KIF20B: variants seen among roughly 807,000 people sequenced by gnomAD.
KIF20B encodes the protein kinesin family member 20B.
KIF20B carries 188 observed loss-of-function variants against 232.5 expected under a neutral mutation model. The observed-to-expected ratio is 0.81, with a 90% CI of 0.72 to 0.91. The LOEUF (loss-of-function observed/expected upper bound fraction) is 0.91, where lower values mean the gene tolerates loss of function less well. Among genes scored for constraint, KIF20B ranks in the 40% least tolerant of loss-of-function variants. The probability of loss-of-function intolerance (pLI) is 0.00; values close to 1 mark genes in which losing one functional copy is unlikely to be tolerated. For synonymous variants in KIF20B, 712 were observed against 683.0 expected (o/e 1.04, Z -0.66); for missense variants, 2,154 against 2,055.9 (o/e 1.05, Z -0.92).
Position 89,726,299 on chromosome 10 carries a change from CAT to C in KIF20B, c.2010_2011del (p.His670GlnfsTer6), listed in dbSNP as rs1226705515. 4 of 1,545,796 alleles carry C rather than the reference CAT, an allele frequency of 2.6e-6. No individual in the cohort carries two copies. In the East Asian group the frequency reaches 7.4e-5, roughly 28 times the overall value. The stretch of plus-strand genomic sequence containing the variant: ...TGGTTTTTGCTATTTTTAGGAAACA[CAT>C]AATTATGTAGGATTTGAAGATATTA... ...CATKVETEET[H>X]NYVGFEDIID... On this transcript the variant is annotated frameshift_variant, in exon 16 of 33. Coordinates refer to ENST00000371728, the MANE Select transcript of KIF20B (RefSeq NM_001284259.2). LOFTEE classifies it high-confidence loss of function.
intron 8 of KIF20B, among the ~76,000 whole-genome samples, chr10:89,716,000 T>A (rs1842927321): frequency 6.6e-6 from 1 of 151,526 alleles, no homozygotes; most frequent in African/African-American, 2.4e-5. Context: ...CCAAAATAAA[T>A]AAATAAATAA....
intron 23 of KIF20B, among the ~76,000 whole-genome samples, chr10:89,749,782 A>G (rs975454815): frequency 6.6e-6 from 1 of 152,160 alleles, no homozygotes; most frequent in African/African-American, 2.4e-5. Context: ...CATTTTATGT[A>G]TCAGTTGATA....
At chr10:89,713,413 TTTGCCTATGAAATGATTAAAATGTTA>T (rs1842873380) in intron 6 of KIF20B, among the ~76,000 whole-genome samples, 2 of 147,048 alleles carry the variant, frequency 1.4e-5, no homozygotes, top group Admixed American at 1.3e-4. Flanking sequence ...ATGATACTGT[TTTGCCTATGAAATGATTAAAATGTTA>T]AAAAAAAATG....
At chr10:89,743,972 G>C (rs759774337) in intron 22 of KIF20B, 45 bp downstream of exon 22, 2 of 1,497,010 alleles carry the variant, frequency 1.3e-6, no homozygotes, top group Non-Finnish European at 1.8e-6. Context: ...CATTCTCTTG[G>C]TATATTTTAG....
intron 14 of KIF20B, 71 bp downstream of exon 14, chr10:89,724,174 TAGTTTAC>T: frequency 7.5e-7 from 1 of 1,329,112 alleles, no homozygotes; most frequent in Non-Finnish European, 9.9e-7. Flanking sequence ...TTTTTTTACT[TAGTTTAC>T]TTTTTATATT....
chr10:89,708,352 C>T (rs1313168934), intron 2 of KIF20B, among the ~76,000 whole-genome samples: 1 of 152,086 alleles, frequency 6.6e-6, no homozygotes, highest in East Asian at 1.9e-4. Context: ...GCTGGGATTA[C>T]AGGCATGCAC....
At chr10:89,709,300 A>G in intron 3 of KIF20B, 45 bp from the exon 4 acceptor site, 6 of 1,588,086 alleles carry the variant, frequency 3.8e-6, no homozygotes, top group Non-Finnish European at 5.2e-6. Flanking sequence ...TTTCATTTAA[A>G]ATGGCAAAAT....
At chr10:89,736,765 C>T (rs1841663014) in intron 19 of KIF20B, among the ~76,000 whole-genome samples, 1 of 152,094 alleles carries the variant, frequency 6.6e-6, no homozygotes, top group South Asian at 2.1e-4. Context: ...TCATCTTGAT[C>T]TTCACAACTT....
Position 89,738,477 on chromosome 10 carries a change from C to G in KIF20B, c.3636C>G (p.Val1212=). 6.2e-7 allele frequency: 1 copy of G among 1,604,778 alleles called. No individual in the cohort carries two copies. The highest frequency in any genetic ancestry group is 8.5e-7 in the Non-Finnish European group (1 of 1,176,580). Residue 1212 remains valine (V), a synonymous_variant, in exon 20 of 33, where the codon GTC becomes GTG. Transcript: ENST00000371728. Reference sequence around the variant, plus strand: ...TTCAAGAACATCTTCAGGATTCTGTCAAAAACACCAAAGATTTAAATGTAA... The same window carrying G: ...TTCAAGAACATCTTCAGGATTCTGTGAAAAACACCAAAGATTTAAATGTAA... ...KEFQEHLQDS[V]KNTKDLNVKE... is the part of the protein sequence containing the mutation.
At position 89,762,796 on chromosome 10, in the gene KIF20B, T is replaced by A. The variant is rs1442415649; in HGVS notation, c.4950T>A (p.Ile1650=). Residue 1650 remains isoleucine (I), a synonymous_variant, in exon 29 of 33, where the codon ATT becomes ATA. Coordinates refer to ENST00000371728, the MANE Select transcript of KIF20B (RefSeq NM_001284259.2). ...GTACCACACCAGTGACAGTTAAGAT[T>A]CCCAAGGCTCGGAAGAGGAAGAGTA... ...PGCTTPVTVK[I]PKARKRKSNE... is the part of the protein sequence containing the mutation. 1 of 1,613,046 alleles carries A rather than the reference T, an allele frequency of 6.2e-7. No homozygotes were observed. Among genetic ancestry groups the A allele is most frequent in the Middle Eastern group, 1.7e-4 (1 of 6,060 alleles).
intron 16 of KIF20B, 55 bp from the exon 17 acceptor site, chr10:89,727,801 G>T: frequency 2.8e-6 from 4 of 1,413,102 alleles, no homozygotes; most frequent in Non-Finnish European, 3.9e-6. Flanking sequence ...GTTATTCAGT[G>T]ATACATATTT....
At chr10:89,727,509 A>G (rs1277816816) in intron 16 of KIF20B, among the ~76,000 whole-genome samples, 1 of 152,230 alleles carries the variant, frequency 6.6e-6, no homozygotes, top group Non-Finnish European at 1.5e-5. Flanking sequence ...GTGTGAAACA[A>G]ATGGGTAGAA....
intron 29 of KIF20B, among the ~76,000 whole-genome samples, chr10:89,767,621 G>A (rs761855123): frequency 2.0e-5 from 3 of 152,020 alleles, no homozygotes; most frequent in Non-Finnish European, 4.4e-5. Flanking sequence ...TCAAGTCAGT[G>A]AGTATATCTG....
intron 16 of KIF20B, 99 bp from the exon 17 acceptor site, chr10:89,727,757 A>G: frequency 9.5e-7 from 1 of 1,051,358 alleles, no homozygotes; most frequent in Non-Finnish European, 1.3e-6. Flanking sequence ...TGAATGTAAC[A>G]GTAAAGTGTC....
rs1564679067 is a variant in KIF20B at position 89,774,674 on chromosome 10, A to G, written c.*626A>G. 1 of 151,984 alleles carries G rather than the reference A, an allele frequency of 6.6e-6. No homozygotes were observed. The highest frequency in any genetic ancestry group is 1.9e-4 in the East Asian group (1 of 5,194). The allele number at this position is 151,984 out of a possible 1,614,324, so 9.4% of individuals were successfully genotyped here. On this transcript the variant is annotated 3_prime_UTR_variant, in exon 33 of 33. Transcript: ENST00000371728. ...CATCCCCTCAAGCATTTTTCCTTTG[A>G]ATTACAGATAATCCAATTACATTCT...
Position 89,740,229 on chromosome 10 carries a change from CTG to C in KIF20B, c.3915+1135_3915+1136del, listed in dbSNP as rs200070241. On this transcript the variant is annotated intron_variant, in intron 21 of 32. Transcript: ENST00000371728. ...AAGTCATTTGTTCATTTTAATTGTG[CTG>C]TCTTTTTTTTTTTTTTTTTAAAGTA... 5.1e-3 allele frequency among the ~76,000 whole-genome samples: 465 copies of C among 91,070 alleles called. 4 individuals are homozygous for C. Among genetic ancestry groups the C allele is most frequent in the African/African-American group, 0.017 (431 of 24,774 alleles). The allele number at this position is 91,070 out of a possible 152,430, so 59.7% of individuals were successfully genotyped here.
rs1458967076 is a variant in KIF20B at position 89,739,011 on chromosome 10, A to G, written c.3830A>G (p.Asp1277Gly). ...SSARTQNLKA[D>G]LQRKEEDYAD... ...GCTCGTACCCAGAATCTGAAAGCAGATCTTCAGAGGAAGGAAGAAGATTAT... is the reference window on the plus strand; with the variant it reads ...GCTCGTACCCAGAATCTGAAAGCAGGTCTTCAGAGGAAGGAAGAAGATTAT... The change falls in exon 21 of 33, where the codon GAT becomes GGT. Residue 1277 changes from aspartate (D) to glycine (G), a missense_variant. Physicochemically the swap from Asp to Gly is moderately conservative, Grantham distance 94 (BLOSUM62 -1). Transcript: ENST00000371728. 6.2e-7 allele frequency: 1 copy of G among 1,613,412 alleles called. No individual in the cohort carries two copies. The highest frequency in any genetic ancestry group is 8.5e-7 in the Non-Finnish European group (1 of 1,179,556).
At position 89,719,690 on chromosome 10, in the gene KIF20B, G is replaced by C. The variant is rs377420072; in HGVS notation, c.1706G>C (p.Ser569Thr). 1.2e-5 allele frequency: 20 copies of C among 1,603,062 alleles called. No individual in the cohort carries two copies. The highest frequency in any genetic ancestry group is 1.7e-5 in the Non-Finnish European group (20 of 1,176,154). The change falls in exon 13 of 33, where the codon AGC (serine) becomes ACC (threonine). Residue 569 changes from serine (S) to threonine (T), a missense_variant. Ser to Thr is a moderately conservative substitution (Grantham distance 58, BLOSUM62 1). Transcript: ENST00000371728. The stretch of plus-strand genomic sequence containing the variant: ...TTAGAGGAAAATAAGGCTTTCATTA[G>C]CCACGAGGAGAAAAGAGTATGTATT... Reference protein sequence around the residue: ...KTLEENKAFISHEEKRKLLDL... With the variant: ...KTLEENKAFITHEEKRKLLDL...
chr10:89,774,054 T>G lies in KIF20B; in HGVS notation c.*6T>G. 6.4e-7 allele frequency: 1 copy of G among 1,550,724 alleles called. No homozygotes were observed. Among genetic ancestry groups the G allele is most frequent in the South Asian group, 1.2e-5 (1 of 81,066 alleles). On this transcript the variant is annotated 3_prime_UTR_variant, in exon 33 of 33. Coordinates refer to ENST00000371728, the MANE Select transcript of KIF20B (RefSeq NM_001284259.2). ...GAACAAAAACAGCCAAATAAATCAC[T>G]TATGGAAATGTTTAATATAAATTTT...
Sources: allele counts gnomAD v4.1 joint callset (sites outside exome capture counted in the v4.1 genomes callset), GRCh38; gene constraint gnomAD v4.1.1; transcripts MANE v1.5; gene names NCBI Gene and HGNC (gene_info 2026-07-23, HGNC 2026-07-21).